The following C9orf72 variants were observed in gnomAD, a reference collection of about 807,000 sequenced individuals.
C9orf72 encodes the protein C9orf72-SMCR8 complex subunit.
In C9orf72, 44 loss-of-function variants were observed where a neutral mutation model predicts 51.6. That is an observed-to-expected ratio of 0.85 (90% CI 0.67 to 1.10). The LOEUF (loss-of-function observed/expected upper bound fraction) is 1.10, where lower values mean the gene tolerates loss of function less well. C9orf72 is among the 50% of genes least tolerant of loss of function. The pLI is 0.00. For synonymous variants in C9orf72, 213 were observed against 194.2 expected (o/e 1.10, Z -0.81); for missense variants, 607 against 570.6 (o/e 1.06, Z -0.65).
intron 3 of C9orf72, among the ~76,000 whole-genome samples, chr9:27,565,079 G>T (rs1203098781): frequency 6.6e-6 from 1 of 152,154 alleles, no homozygotes; most frequent in Non-Finnish European, 1.5e-5. Context: ...TAAATTGCAT[G>T]AGTCTTAACG....
At chr9:27,549,261 G>A (rs1404740330) in intron 9 of C9orf72, among the ~76,000 whole-genome samples, 13 of 152,078 alleles carry the variant, frequency 8.5e-5, no homozygotes, top group African/African-American at 1.7e-4. Context: ...AAGTTATTTC[G>A]TATTACTTAA....
In C9orf72 at chr9:27,548,937, T is replaced by C. The variant is rs773723; in HGVS notation, c.1150-271A>G. 2.0e-5 allele frequency among the ~76,000 whole-genome samples: 3 copies of C among 151,712 alleles called. No homozygotes were observed. The East Asian group carries it at 5.8e-4, about 29-fold the overall frequency. ...TTGACTCACTGCAACCTACACCTCC[T>C]GGGTTCAAGCGATTCTCCTGCCTCA... On this transcript the variant is annotated intron_variant, in intron 9 of 10. Coordinates refer to ENST00000380003, the MANE Select transcript of C9orf72 (RefSeq NM_018325.5).
chr9:27,556,650 G>C lies in C9orf72; in HGVS notation c.1002C>G (p.Ser334=), dbSNP rs780494226. ...HIYNQRRYMR[S]ELTAFWRATS... ...TGGCTCTCCAGAAGGCTGTCAGCTC[G>C]GATCTCATGTATCTACGCTGATTAT... Residue 334 remains serine, a synonymous_variant, in exon 8 of 11, where the codon TCC becomes TCG. Coordinates refer to ENST00000380003, the MANE Select transcript of C9orf72 (RefSeq NM_018325.5). 6.2e-7 allele frequency: 1 copy of C among 1,613,814 alleles called. No individual in the cohort carries two copies. The highest frequency in any genetic ancestry group is 2.2e-5 in the East Asian group (1 of 44,862).
chr9:27,562,402 G>C lies in C9orf72; in HGVS notation c.579C>G (p.His193Gln), dbSNP rs1819371981. ...VMELLSSMKSHSVPEEIDIAD... is the reference protein window; with the variant it reads ...VMELLSSMKSQSVPEEIDIAD... ...TTACATCTATTTCTTCAGGAACACT[G>C]TGTGATTTCATAGATGAAAGCAGTT... The change falls in exon 4 of 11, where the codon CAC becomes CAG. Residue 193 changes from histidine to glutamine, a missense_variant. His to Gln is a conservative substitution (Grantham distance 24). Coordinates refer to ENST00000380003, the MANE Select transcript of C9orf72 (RefSeq NM_018325.5). 1 of 1,586,430 alleles carries C rather than the reference G, an allele frequency of 6.3e-7. No homozygotes were observed. Among genetic ancestry groups the C allele is most frequent in the Non-Finnish European group, 8.6e-7 (1 of 1,163,152 alleles).
chr9:27,571,964 TCA>T (rs1819595782), intron 1 of C9orf72, among the ~76,000 whole-genome samples: 2 of 152,334 alleles, frequency 1.3e-5, no homozygotes, highest in South Asian at 4.1e-4. Flanking sequence ...TGGCCATTTC[TCA>T]CAGTTCCAAG....
At chr9:27,550,475 G>A (rs887304124) in intron 9 of C9orf72, among the ~76,000 whole-genome samples, 175 bp downstream of exon 9, 2 of 152,086 alleles carry the variant, frequency 1.3e-5, no homozygotes, top group Non-Finnish European at 1.5e-5. Context: ...CACTTGACAT[G>A]CCCTCACAGA....
chr9:27,567,795 C>G (rs1186846020), intron 1 of C9orf72, among the ~76,000 whole-genome samples: 2 of 152,062 alleles, frequency 1.3e-5, no homozygotes, highest in Non-Finnish European at 2.9e-5. Flanking sequence ...AAATGGTAGA[C>G]AGCCATGTGA....
chr9:27,570,006 C>G (rs1819550956), intron 1 of C9orf72, among the ~76,000 whole-genome samples: 1 of 152,146 alleles, frequency 6.6e-6, no homozygotes, highest in Admixed American at 6.5e-5. Context: ...GCATACAGAG[C>G]CTGGCAAAAC....
chr9:27,561,395 A>G (rs72727517), intron 5 of C9orf72, 190 bp downstream of exon 5: 103 of 1,343,982 alleles, frequency 7.7e-5, no homozygotes, highest in Admixed American at 2.0e-4. Flanking sequence ...AGCAAATGGA[A>G]TAACACCAAA....
At chr9:27,560,111 T>C (rs924363887) in intron 6 of C9orf72, 116 bp downstream of exon 6, 2 of 569,098 alleles carry the variant, frequency 3.5e-6, no homozygotes, top group East Asian at 6.4e-5. Context: ...TGAGATTACA[T>C]TGCCTCCTTA....
rs1819352214 is a variant in C9orf72 at position 27,561,634 on chromosome 9, G to A, written c.616C>T (p.Leu206Phe). 6.2e-7 allele frequency: 1 copy of A among 1,603,486 alleles called. No individual in the cohort carries two copies. The highest frequency in any genetic ancestry group is 1.7e-5 in the Admixed American group (1 of 59,470). The change falls in exon 5 of 11, where the codon CTC becomes TTC. Residue 206 changes from leucine to phenylalanine, a missense_variant. Transcript: ENST00000380003. ...CTGTCACCAATATCATCATCATTGA[G>A]TACTGTATCAGCTATCTAAAATGCA... is the stretch of plus-strand genomic sequence containing the variant. Reference protein sequence around the residue: ...PEEIDIADTVLNDDDIGDSCH... With the variant: ...PEEIDIADTVFNDDDIGDSCH...
intron 5 of C9orf72, chr9:27,560,813 A>G: frequency 1.0e-6 from 1 of 955,252 alleles, no homozygotes. Context: ...CTTTTATTAA[A>G]AGTAAAATTT....
At chr9:27,558,841 C>G (rs747018653) in intron 6 of C9orf72, 3 of 382,218 alleles carry the variant, frequency 7.8e-6, no homozygotes, top group Non-Finnish European at 1.4e-5. Context: ...ATCTCAAAAC[C>G]TTTAACATTT....
At chr9:27,569,974 G>A (rs1027791829) in intron 1 of C9orf72, among the ~76,000 whole-genome samples, 5 of 152,198 alleles carry the variant, frequency 3.3e-5, no homozygotes, top group African/African-American at 7.2e-5. Flanking sequence ...TTAGATGAGT[G>A]CTTTTATCAT....
chr9:27,570,888 A>G (rs1163388274), intron 1 of C9orf72, among the ~76,000 whole-genome samples: 1 of 152,016 alleles, frequency 6.6e-6, no homozygotes, highest in Non-Finnish European at 1.5e-5. Context: ...ACAAACAAAC[A>G]AACAAACAAA....
chr9:27,554,129 T>A (rs943602440), intron 8 of C9orf72, among the ~76,000 whole-genome samples: 1 of 152,108 alleles, frequency 6.6e-6, no homozygotes, highest in African/African-American at 2.4e-5. Context: ...TAACTGAAAA[T>A]AGAACTACCA....
At chr9:27,558,226 G>GA (rs1819254466) in intron 7 of C9orf72, among the ~76,000 whole-genome samples, 1 of 142,014 alleles carries the variant, frequency 7.0e-6, no homozygotes, top group Non-Finnish European at 1.6e-5. Flanking sequence ...TTAAGCATGT[G>GA]TTAAAAAAAA....
At position 27,548,435 on chromosome 9, in the gene C9orf72, G is replaced by GAAAAAAA. The variant is rs11292923; in HGVS notation, c.1260-20_1260-14dup. On this transcript the variant is annotated splice_polypyrimidine_tract_variant and intron_variant, in intron 10 of 10. Coordinates refer to ENST00000380003, the MANE Select transcript of C9orf72 (RefSeq NM_018325.5). ...TTTTCCCTTCTGCCTAAAAATAATG[G>GAAAAAAA]AAAAAAAAAAAAAAAAAAAAAAAAA... 285 of 174,866 alleles carry GAAAAAAA rather than the reference G, an allele frequency of 1.6e-3. 3 individuals are homozygous for GAAAAAAA. The highest frequency in any genetic ancestry group is 2.4e-3 in the South Asian group (21 of 8,656). The allele number at this position is 174,866 out of a possible 1,614,324, so 10.8% of individuals were successfully genotyped here.
At chr9:27,560,084 G>A (rs1021313724) in intron 6 of C9orf72, 143 bp downstream of exon 6, 5 of 443,906 alleles carry the variant, frequency 1.1e-5, no homozygotes, top group Non-Finnish European at 2.0e-5. Flanking sequence ...TTGCCACAAG[G>A]TGTCTTAGCA....
Sources: gnomAD v4.1 joint callset for allele counts (sites outside exome capture counted in the v4.1 genomes callset) on GRCh38, gnomAD v4.1.1 for gene constraint, MANE v1.5 for transcripts, NCBI Gene and HGNC (gene_info 2026-07-23, HGNC 2026-07-21) for gene names.